The following KCNMA1 variants were observed in gnomAD, a reference collection of about 807,000 sequenced individuals.
KCNMA1 encodes the protein potassium calcium-activated channel subfamily M alpha 1.
A neutral mutation model predicts 140.0 loss-of-function variants in KCNMA1; 29 were observed. The observed-to-expected ratio is 0.21, with a 90% CI of 0.15 to 0.28. The LOEUF is 0.28. Ranked by LOEUF, KCNMA1 falls within the 10% of genes least tolerant of loss-of-function variation. The pLI is 1.00. For synonymous variants in KCNMA1, 612 were observed against 611.9 expected (o/e 1.00, Z 0.00); for missense variants, 880 against 1,602.2 (o/e 0.55, Z 7.70).
intron 1 of KCNMA1, among the ~76,000 whole-genome samples, chr10:77,482,745 C>A (rs1432282438): frequency 6.6e-6 from 1 of 151,994 alleles, no homozygotes; most frequent in African/African-American, 2.4e-5. Context: ...TCTCCTCTGG[C>A]CTAAAGAAGC....
chr10:77,604,312 G>A (rs2083639920), intron 1 of KCNMA1, among the ~76,000 whole-genome samples: 1 of 152,184 alleles, frequency 6.6e-6, no homozygotes, highest in African/African-American at 2.4e-5. Flanking sequence ...AGCCTCTTTT[G>A]TCAAGGACAG....
chr10:77,422,165 C>A (rs1240141082), intron 1 of KCNMA1, among the ~76,000 whole-genome samples: 1 of 152,236 alleles, frequency 6.6e-6, no homozygotes, highest in African/African-American at 2.4e-5. Context: ...TGTCCAAGGG[C>A]AGCCCCACTG....
chr10:77,052,620 C>CAAA (rs5786258), intron 14 of KCNMA1, among the ~76,000 whole-genome samples: 4 of 141,592 alleles, frequency 2.8e-5, no homozygotes, highest in Non-Finnish European at 4.6e-5. Flanking sequence ...GATGAGTGTG[C>CAAA]AAAAAAAAAA....
intron 2 of KCNMA1, among the ~76,000 whole-genome samples, chr10:77,256,319 T>C (rs1369213338): frequency 6.6e-6 from 1 of 152,082 alleles, no homozygotes; most frequent in East Asian, 1.9e-4. Flanking sequence ...CTCACAAAGG[T>C]GGCTACCACC....
chr10:77,326,288 T>C (rs1007919568), intron 2 of KCNMA1, among the ~76,000 whole-genome samples: 1 of 152,302 alleles, frequency 6.6e-6, no homozygotes, highest in Non-Finnish European at 1.5e-5. Context: ...CTCACCACCA[T>C]GAAGCCTCTA....
At chr10:77,095,363 C>T (rs1356570804) in intron 9 of KCNMA1, among the ~76,000 whole-genome samples, 3 of 152,198 alleles carry the variant, frequency 2.0e-5, no homozygotes, top group South Asian at 2.1e-4. Context: ...GCTGACAGGT[C>T]ATGGCTTAGA....
chr10:77,078,061 G>C (rs538391447), intron 13 of KCNMA1: 3 of 152,290 alleles, frequency 2.0e-5, no homozygotes, highest in African/African-American at 7.2e-5. Context: ...CCTCCACACA[G>C]CAAAATGGGC....
intron 1 of KCNMA1, among the ~76,000 whole-genome samples, chr10:77,625,615 GA>G (rs1375402685): frequency 6.6e-6 from 1 of 152,140 alleles, no homozygotes; most frequent in African/African-American, 2.4e-5. Context: ...ATCCTTTTGT[GA>G]CTGGCTTATT....
chr10:77,295,706 G>A (rs1213864114), intron 2 of KCNMA1, among the ~76,000 whole-genome samples: 64 of 147,492 alleles, frequency 4.3e-4, no homozygotes, highest in Non-Finnish European at 7.0e-4. Flanking sequence ...GCGTGAACCC[G>A]GGAGGCGGAG....
At chr10:77,274,410 T>C (rs1040835268) in intron 2 of KCNMA1, among the ~76,000 whole-genome samples, 1 of 152,084 alleles carries the variant, frequency 6.6e-6, no homozygotes, top group South Asian at 2.1e-4. Context: ...CTCCTCCCCA[T>C]CCCCTAATCA....
At chr10:77,392,974 C>A (rs1297861466) in intron 2 of KCNMA1, among the ~76,000 whole-genome samples, 1 of 152,216 alleles carries the variant, frequency 6.6e-6, no homozygotes, top group Non-Finnish European at 1.5e-5. Context: ...GACACATGCG[C>A]CCACAACGTA....
At chr10:77,485,145 G>T (rs2098445913) in intron 1 of KCNMA1, among the ~76,000 whole-genome samples, 1 of 152,300 alleles carries the variant, frequency 6.6e-6, no homozygotes, top group East Asian at 1.9e-4. Context: ...GAGACATAGG[G>T]AGCACTTCTG....
At chr10:77,382,990 GTGTGTATATATATATATATATATA>G (rs1463025829) in intron 2 of KCNMA1, among the ~76,000 whole-genome samples, 7 of 42,582 alleles carry the variant, frequency 1.6e-4, no homozygotes, top group African/African-American at 1.2e-3. Context: ...GTGTGTGTGT[GTGTGTATATATATATATATATATA>G]TATATATATA....
chr10:77,202,257 T>C (rs2042723341), intron 3 of KCNMA1, among the ~76,000 whole-genome samples: 1 of 152,232 alleles, frequency 6.6e-6, no homozygotes, highest in Non-Finnish European at 1.5e-5. Flanking sequence ...ACTATCTTAG[T>C]TCCTTTCTCA....
intron 20 of KCNMA1, among the ~76,000 whole-genome samples, chr10:76,956,108 G>C (rs1209409404): frequency 6.6e-6 from 1 of 152,138 alleles, no homozygotes; most frequent in Non-Finnish European, 1.5e-5. Flanking sequence ...GTGTGCCTTG[G>C]GGAAGAGGAG....
intron 1 of KCNMA1, among the ~76,000 whole-genome samples, chr10:77,469,245 C>A (rs916038200): frequency 6.6e-6 from 1 of 152,100 alleles, no homozygotes; most frequent in Non-Finnish European, 1.5e-5. Context: ...AGTTAGAGAT[C>A]CACACGCCAT....
At chr10:77,626,312 C>T (rs550085540) in intron 1 of KCNMA1, among the ~76,000 whole-genome samples, 2 of 152,016 alleles carry the variant, frequency 1.3e-5, no homozygotes, top group East Asian at 1.9e-4. Flanking sequence ...ACCACCTGAT[C>T]GGCTGTGGCT....
In KCNMA1 at chr10:76,886,263, C is replaced by T; in HGVS notation, c.*1003G>A. ...AAACAAAGGGGAGTAAAAAGATCCC[C>T]TGAGAATGCATGGAAAAATACTTGC... is the stretch of plus-strand genomic sequence containing the variant. On this transcript the variant is annotated 3_prime_UTR_variant, in exon 28 of 28. Transcript: ENST00000286628. 1 of 985,346 alleles carries T rather than the reference C, an allele frequency of 1.0e-6. No homozygotes were observed. The highest frequency in any genetic ancestry group is 1.2e-6 in the Non-Finnish European group (1 of 829,904). 61.0% of individuals were successfully genotyped at this position (985,346 alleles called of 1,614,324 possible).
chr10:77,415,356 G>T (rs2096717709), intron 1 of KCNMA1, among the ~76,000 whole-genome samples: 1 of 152,154 alleles, frequency 6.6e-6, no homozygotes, highest in Non-Finnish European at 1.5e-5. Flanking sequence ...CTTTGAATTG[G>T]ATTAGTAGAG....
Sources: gnomAD v4.1 joint callset for allele counts (sites outside exome capture counted in the v4.1 genomes callset) on GRCh38, gnomAD v4.1.1 for gene constraint, MANE v1.5 for transcripts, NCBI Gene and HGNC (gene_info 2026-07-23, HGNC 2026-07-21) for gene names.